Variants in PRKDC observed in about 807,000 individuals in gnomAD.
PRKDC encodes DNA-dependent protein kinase catalytic subunit.
PRKDC carries 82 observed loss-of-function variants against 486.9 expected under a neutral mutation model. The ratio of observed to expected loss-of-function variants is 0.17; its 90% CI spans 0.14 to 0.20. PRKDC has a LOEUF of 0.20. Ranked by LOEUF, PRKDC falls within the 10% of genes least tolerant of loss-of-function variation. PRKDC has a pLI of 1.00. For synonymous variants in PRKDC, 1,895 were observed against 1,837.0 expected (o/e 1.03, Z -0.81); for missense variants, 4,504 against 5,038.2 (o/e 0.89, Z 3.21).
chr8:47,900,467 C>T lies in PRKDC; in HGVS notation c.3270G>A (p.Arg1090=), dbSNP rs779504008. 3 of 1,601,374 alleles carry T rather than the reference C, an allele frequency of 1.9e-6. No individual in the cohort carries two copies. The highest frequency in any genetic ancestry group is 2.6e-6 in the Non-Finnish European group (3 of 1,173,678). ...ACTGTTCCACCAGAGACTCTTCTTC[C>T]CTGTAAAATAAAGAATAGGAAACCT... ...LAFNNIYREF[R]EEESLVEQFV... The change falls in exon 28 of 86, where the codon AGG becomes AGA. Residue 1090 remains arginine, a splice_region_variant and synonymous_variant. Transcript: ENST00000314191.
intron 69 of PRKDC, among the ~76,000 whole-genome samples, chr8:47,806,148 C>A (rs2087212007): frequency 6.6e-6 from 1 of 152,254 alleles, no homozygotes; most frequent in Admixed American, 6.5e-5. Context: ...CTTCCCTGCG[C>A]CCTCCAGGCT....
chr8:47,815,579 A>G (rs1264926627), intron 68 of PRKDC, among the ~76,000 whole-genome samples: 1 of 152,246 alleles, frequency 6.6e-6, no homozygotes, highest in Non-Finnish European at 1.5e-5. Context: ...TAAGGACAGT[A>G]TAGGTTATAT....
At chr8:47,826,966 A>G (rs995663011) in intron 62 of PRKDC, 105 bp from the exon 63 acceptor site, 14 of 1,092,592 alleles carry the variant, frequency 1.3e-5, no homozygotes, top group Non-Finnish European at 1.6e-5. Context: ...CCATGTGGGT[A>G]GTGATATCAC....
intron 31 of PRKDC, among the ~76,000 whole-genome samples, chr8:47,891,829 T>C (rs761294969): frequency 1.8e-4 from 28 of 152,180 alleles, no homozygotes; most frequent in Admixed American, 6.5e-4. Flanking sequence ...AAAATGTACA[T>C]TTTAGAATAA....
In PRKDC at chr8:47,877,703, TC is replaced by T; in HGVS notation, c.5363+20del. The T allele has an allele frequency of 2.6e-6, 4 of 1,562,576 alleles. No homozygotes were observed. The highest frequency in any genetic ancestry group is 3.5e-6 in the Non-Finnish European group (4 of 1,153,236). On this transcript the variant is annotated intron_variant, in intron 40 of 85. Coordinates refer to ENST00000314191, the MANE Select transcript of PRKDC (RefSeq NM_006904.7). ...ACTGAAATGCGTATGGTTCCTGAGA[TC>T]CCAGGCCAGAATGACTTACCTTCTG...
chr8:47,879,733 T>A (rs1273959500), intron 38 of PRKDC, 75 bp from the exon 39 acceptor site: 19 of 1,249,074 alleles, frequency 1.5e-5, no homozygotes, highest in Non-Finnish European at 1.9e-5. Flanking sequence ...AAAATTACTG[T>A]AAGACATTGC....
At chr8:47,860,343 G>C (rs1284631216) in intron 45 of PRKDC, among the ~76,000 whole-genome samples, 2 of 152,202 alleles carry the variant, frequency 1.3e-5, no homozygotes, top group African/African-American at 4.8e-5. Context: ...GGTATTAGAG[G>C]AAACTGCAAG....
In PRKDC at chr8:47,829,708, C is replaced by T. The variant is rs181654030; in HGVS notation, c.8397+897G>A. 3.8e-3 allele frequency among the ~76,000 whole-genome samples: 576 copies of T among 152,120 alleles called. 3 individuals carry two copies. The highest frequency in any genetic ancestry group is 6.7e-3 in the Admixed American group (102 of 15,270). Reference sequence around the variant, plus strand: ...AAAGAATAAAATACCTAGGAATACACTTAACCAAGAAGGTGAAAGATCTTT... The same window carrying T: ...AAAGAATAAAATACCTAGGAATACATTTAACCAAGAAGGTGAAAGATCTTT... On this transcript the variant is annotated intron_variant, in intron 61 of 85. Transcript: ENST00000314191.
chr8:47,792,488 G>A (rs1403200835), intron 74 of PRKDC, among the ~76,000 whole-genome samples: 2 of 152,046 alleles, frequency 1.3e-5, no homozygotes, highest in Admixed American at 1.3e-4. Context: ...TCGATCTCCT[G>A]ACCTCCTGAT....
At position 47,957,240 on chromosome 8, in the gene PRKDC, G is replaced by T. The variant is rs1173662184; in HGVS notation, c.255C>A (p.Ile85=). Residue 85 remains isoleucine (I), a synonymous_variant, in exon 3 of 86, where the codon ATC becomes ATA. Transcript: ENST00000314191. ...SIEFRECREE[I]LKFLCIFLEK... is the part of the protein sequence containing the mutation. ...CTAAGAAAATACATAAAAACTTTAG[G>T]ATTTCTTCTCTACATTCACGAAACT... The T allele has an allele frequency of 1.2e-6, 2 of 1,601,230 alleles. No homozygotes were observed. Among genetic ancestry groups the T allele is most frequent in the Non-Finnish European group, 1.7e-6 (2 of 1,170,652 alleles).
chr8:47,831,934 G>C lies in PRKDC; in HGVS notation c.8153-8C>G. ...CCGTCCGGCCGGCCGCACCTGGAGAGGGAAAGCAGGCCCAGTTACTCCCCG... is the reference window on the plus strand; with the variant it reads ...CCGTCCGGCCGGCCGCACCTGGAGACGGAAAGCAGGCCCAGTTACTCCCCG... On this transcript the variant is annotated splice_region_variant and splice_polypyrimidine_tract_variant and intron_variant, in intron 59 of 85. Transcript: ENST00000314191. The C allele has an allele frequency of 2.5e-6, 4 of 1,608,042 alleles. No homozygotes were observed. Among genetic ancestry groups the C allele is most frequent in the East Asian group, 2.2e-5 (1 of 44,726 alleles).
At position 47,819,519 on chromosome 8, in the gene PRKDC, A is replaced by G; in HGVS notation, c.9337-9T>C. On this transcript the variant is annotated splice_polypyrimidine_tract_variant and intron_variant, in intron 66 of 85. Transcript: ENST00000314191. Reference sequence around the variant, plus strand: ...TCAATACTAGAATAATTCTTAAAAAAAAAAAAAAAAAAAAAGGGCATTTAC... The same window carrying G: ...TCAATACTAGAATAATTCTTAAAAAGAAAAAAAAAAAAAAAGGGCATTTAC... 7.3e-7 allele frequency: 1 copy of G among 1,363,392 alleles called. No individual in the cohort carries two copies. Among genetic ancestry groups the G allele is most frequent in the Non-Finnish European group, 9.9e-7 (1 of 1,009,140 alleles). 84.5% of individuals were successfully genotyped at this position (1,363,392 alleles called of 1,614,324 possible).
intron 66 of PRKDC, 122 bp downstream of exon 66, chr8:47,820,589 GTTGATTTT>G (rs953359010): frequency 4.7e-5 from 25 of 529,268 alleles, no homozygotes; most frequent in Non-Finnish European, 6.7e-5. Context: ...GAAAATTTTT[GTTGATTTT>G]TTTCATGAGT....
chr8:47,868,183 C>T (rs1018502089), intron 40 of PRKDC, among the ~76,000 whole-genome samples: 8 of 152,036 alleles, frequency 5.3e-5, no homozygotes, highest in Admixed American at 2.6e-4. Flanking sequence ...TCTTGTTACT[C>T]GCCTCACAAA....
chr8:47,889,228 A>G lies in PRKDC; in HGVS notation c.4072-6T>C. The G allele has an allele frequency of 6.3e-7, 1 of 1,589,820 alleles. No individual in the cohort carries two copies. Among genetic ancestry groups the G allele is most frequent in the South Asian group, 1.1e-5 (1 of 87,542 alleles). On this transcript the variant is annotated splice_region_variant and splice_polypyrimidine_tract_variant and intron_variant, in intron 32 of 85. Coordinates refer to ENST00000314191, the MANE Select transcript of PRKDC (RefSeq NM_006904.7). ...CACAAGTCCTTCTTCAGGAGCTGTA[A>G]CAGATTGTTTGATAAAAACACTTCG...
intron 33 of PRKDC, 127 bp downstream of exon 33, chr8:47,888,887 C>T: frequency 2.7e-6 from 3 of 1,110,238 alleles, no homozygotes; most frequent in Non-Finnish European, 3.8e-6. Flanking sequence ...ATTGAGGTCA[C>T]TGGCAGCAAA....
At chr8:47,950,493 G>C (rs1463431032) in intron 7 of PRKDC, among the ~76,000 whole-genome samples, 2 of 151,800 alleles carry the variant, frequency 1.3e-5, no homozygotes, top group African/African-American at 4.8e-5. Flanking sequence ...GCTGGGCGTG[G>C]TGGCGGGTGC....
intron 28 of PRKDC, among the ~76,000 whole-genome samples, chr8:47,899,763 T>C (rs1033193622): frequency 2.6e-5 from 4 of 152,196 alleles, no homozygotes; most frequent in Non-Finnish European, 5.9e-5. Context: ...AACTACATCA[T>C]GTGCTGGGAC....
chr8:47,924,615 T>A (rs2090125250), intron 21 of PRKDC, among the ~76,000 whole-genome samples: 1 of 152,062 alleles, frequency 6.6e-6, no homozygotes, highest in Admixed American at 6.6e-5. Flanking sequence ...GGCCATGACC[T>A]GGGTGCCAGG....
Sources: allele counts gnomAD v4.1 joint callset (sites outside exome capture counted in the v4.1 genomes callset), GRCh38; gene constraint gnomAD v4.1.1; transcripts MANE v1.5; gene names NCBI Gene and HGNC (gene_info 2026-07-23, HGNC 2026-07-21).